ALDH1L2: variants seen among roughly 807,000 people sequenced by gnomAD.
ALDH1L2 encodes the protein aldehyde dehydrogenase 1 family member L2.
Under a neutral mutation model 111.0 loss-of-function variants are expected in ALDH1L2, and 91 were observed. That is an observed-to-expected ratio of 0.82 (90% CI 0.69 to 0.98). ALDH1L2 has a LOEUF of 0.98. Ranked by LOEUF, ALDH1L2 falls within the 50% of genes least tolerant of loss-of-function variation. ALDH1L2 has a pLI of 0.00. For synonymous variants in ALDH1L2, 374 were observed against 392.6 expected (o/e 0.95, Z 0.56); for missense variants, 995 against 1,126.8 (o/e 0.88, Z 1.67).
Position 105,073,896 on chromosome 12 carries a change from G to A in ALDH1L2, c.158C>T (p.Thr53Ile), listed in dbSNP as rs776303501. The part of the protein sequence containing the change: ...KEGHRVVGVF[T>I]VPDKDGKADP... ...AGCTTTTCCATCCTTGTCTGGAACT[G>A]TGAACACCCCTACTACTCGGTGGCC... The change falls in exon 2 of 23, where the codon ACA becomes ATA. Residue 53 changes from threonine to isoleucine, a missense_variant. Thr to Ile is a moderately conservative substitution (Grantham distance 89). Coordinates refer to ENST00000258494, the MANE Select transcript of ALDH1L2 (RefSeq NM_001034173.4). 8.1e-6 allele frequency: 13 copies of A among 1,614,032 alleles called. No individual in the cohort carries two copies. The African/African-American group carries it at 1.5e-4, about 18-fold the overall frequency.
chr12:105,061,824 A>C, intron 7 of ALDH1L2, 72 bp from the exon 8 acceptor site: 1 of 1,576,414 alleles, frequency 6.3e-7, no homozygotes, highest in Non-Finnish European at 8.7e-7. Context: ...TGGTGGGAGG[A>C]GTCCTATAGA....
intron 8 of ALDH1L2, 61 bp from the exon 9 acceptor site, chr12:105,061,133 G>T: frequency 1.4e-6 from 2 of 1,422,848 alleles, no homozygotes; most frequent in East Asian, 2.3e-5. Context: ...GCAGAGACTG[G>T]GCTAGCTCTT....
intron 18 of ALDH1L2, among the ~76,000 whole-genome samples, chr12:105,034,645 G>A (rs946411632): frequency 1.3e-5 from 2 of 152,084 alleles, no homozygotes; most frequent in Non-Finnish European, 2.9e-5. Context: ...TTAAAAAAAT[G>A]TATGTGTAAC....
At chr12:105,066,354 A>G (rs958405049) in intron 5 of ALDH1L2, among the ~76,000 whole-genome samples, 2 of 151,986 alleles carry the variant, frequency 1.3e-5, no homozygotes, top group Non-Finnish European at 2.9e-5. Context: ...TTAATATGCA[A>G]ATTTTGAGTG....
intron 2 of ALDH1L2, 82 bp downstream of exon 2, chr12:105,073,779 G>C (rs1565973773): frequency 1.3e-6 from 2 of 1,563,722 alleles, no homozygotes; most frequent in East Asian, 2.3e-5. Context: ...GGCTGAGGCA[G>C]CTACCTTGGA....
intron 3 of ALDH1L2, 40 bp from the exon 4 acceptor site, chr12:105,068,924 T>G: frequency 6.9e-7 from 1 of 1,457,022 alleles, no homozygotes. Flanking sequence ...GTTGGTTAAC[T>G]GTATCATAAA....
At chr12:105,039,604 C>T in intron 17 of ALDH1L2, 109 bp downstream of exon 17, 2 of 797,500 alleles carry the variant, frequency 2.5e-6, no homozygotes, top group African/African-American at 1.7e-5. Context: ...AGTAGATTTC[C>T]CTTCCAAAGT....
At chr12:105,041,560 C>A (rs2136062719) in intron 15 of ALDH1L2, among the ~76,000 whole-genome samples, 1 of 152,204 alleles carries the variant, frequency 6.6e-6, no homozygotes, top group Non-Finnish European at 1.5e-5. Flanking sequence ...GGGAGATACT[C>A]CTCAAATTTT....
intron 22 of ALDH1L2, among the ~76,000 whole-genome samples, chr12:105,025,988 G>A (rs1874387518): frequency 6.6e-6 from 1 of 152,194 alleles, no homozygotes; most frequent in Admixed American, 6.5e-5. Flanking sequence ...CTGAAAGTAA[G>A]CTATTGCTTG....
chr12:105,039,562 G>T, intron 17 of ALDH1L2, 151 bp downstream of exon 17: 1 of 587,614 alleles, frequency 1.7e-6, no homozygotes, highest in Non-Finnish European at 3.0e-6. Context: ...GTATTTTATT[G>T]TATTCAAATA....
At chr12:105,035,473 C>A (rs1216961452) in intron 18 of ALDH1L2, among the ~76,000 whole-genome samples, 1 of 151,366 alleles carries the variant, frequency 6.6e-6, no homozygotes, top group African/African-American at 2.4e-5. Flanking sequence ...CAGGTGAACA[C>A]CACCCTGGGC....
intron 21 of ALDH1L2, among the ~76,000 whole-genome samples, chr12:105,029,772 A>G (rs776464790): frequency 6.6e-6 from 1 of 152,128 alleles, no homozygotes; most frequent in Middle Eastern, 3.4e-3. Context: ...ACCCCATTCT[A>G]TTAAGTATTG....
At chr12:105,048,482 C>T (rs1403936743) in intron 13 of ALDH1L2, 4 of 152,178 alleles carry the variant, frequency 2.6e-5, no homozygotes, top group Non-Finnish European at 2.9e-5. Flanking sequence ...CCTCTTACCA[C>T]TCCCCCTTTC....
intron 22 of ALDH1L2, among the ~76,000 whole-genome samples, chr12:105,025,431 C>T (rs1002389911): frequency 1.3e-5 from 2 of 152,212 alleles, no homozygotes; most frequent in Non-Finnish European, 2.9e-5. Flanking sequence ...GTCAAATACA[C>T]TCTCTCAAAA....
rs35987489 is a variant in ALDH1L2 at position 105,073,754 on chromosome 12, C to T, written c.193+107G>A. ...TTTTCCTTCCTGCTTGCTGGAATGGCGCTGTGATAGTAGGGGCTGAGGCAG... is the reference window on the plus strand; with the variant it reads ...TTTTCCTTCCTGCTTGCTGGAATGGTGCTGTGATAGTAGGGGCTGAGGCAG... On this transcript the variant is annotated intron_variant, in intron 2 of 22. Transcript: ENST00000258494. 107 of 1,452,282 alleles carry T rather than the reference C, an allele frequency of 7.4e-5. 1 individual carries two copies. Among genetic ancestry groups the T allele is most frequent in the South Asian group, 4.3e-4 (32 of 74,954 alleles). The allele number at this position is 1,452,282 out of a possible 1,614,324, so 90.0% of individuals were successfully genotyped here.
intron 10 of ALDH1L2, among the ~76,000 whole-genome samples, chr12:105,055,447 TG>T (rs1363410666): frequency 4.6e-5 from 7 of 152,086 alleles, no homozygotes; most frequent in African/African-American, 1.7e-4. Context: ...TGAAGGGAGA[TG>T]GGGAGAAGGT....
intron 5 of ALDH1L2, 146 bp downstream of exon 5, chr12:105,066,422 G>T: frequency 3.0e-6 from 2 of 665,680 alleles, no homozygotes; most frequent in Non-Finnish European, 5.2e-6. Flanking sequence ...CCCCTCTCCT[G>T]CGTATGTCTG....
rs780203253 is a variant in ALDH1L2 at position 105,061,731 on chromosome 12, A to G, written c.943T>C (p.Phe315Leu). 35 of 1,614,042 alleles carry G rather than the reference A, an allele frequency of 2.2e-5. No individual in the cohort carries two copies. The highest frequency in any genetic ancestry group is 2.6e-5 in the Non-Finnish European group (31 of 1,180,028). The change falls in exon 8 of 23, where the codon TTT becomes CTT. Residue 315 changes from phenylalanine to leucine, a missense_variant. Transcript: ENST00000258494. The part of the protein sequence containing the change: ...GKALTVRNLQ[F>L]EDGKMIPASQ... The stretch of plus-strand genomic sequence containing the variant: ...GCAGGGATCATTTTTCCATCTTCAA[A>G]CTGCAGATTTCTCACCGTCAGCTAC...
At chr12:105,066,516 G>A in intron 5 of ALDH1L2, 52 bp downstream of exon 5, 1 of 1,524,112 alleles carries the variant, frequency 6.6e-7, no homozygotes, top group East Asian at 2.3e-5. Context: ...AACTACTGAA[G>A]GGTAGAGGGC....
Sources: allele counts gnomAD v4.1 joint callset (sites outside exome capture counted in the v4.1 genomes callset), GRCh38; gene constraint gnomAD v4.1.1; transcripts MANE v1.5; gene names NCBI Gene and HGNC (gene_info 2026-07-23, HGNC 2026-07-21).